The following ELMOD3 variants were observed in gnomAD, a reference collection of about 807,000 sequenced individuals.
ELMOD3 encodes the protein ELMO domain containing 3.
ELMOD3 carries 36 observed loss-of-function variants against 47.4 expected under a neutral mutation model. The observed-to-expected ratio is 0.76, with a 90% CI of 0.58 to 1.00. The LOEUF (loss-of-function observed/expected upper bound fraction) is 1.00. ELMOD3 is among the 50% of genes least tolerant of loss of function. The pLI, the probability that ELMOD3 is intolerant of heterozygous loss-of-function variation, is 0.00. For synonymous variants in ELMOD3, 149 were observed against 183.5 expected (o/e 0.81, Z 1.52); for missense variants, 404 against 463.8 (o/e 0.87, Z 1.18).
intron 6 of ELMOD3, 56 bp from the exon 7 acceptor site, chr2:85,368,630 T>C: frequency 2.5e-6 from 4 of 1,581,100 alleles, no homozygotes; most frequent in Non-Finnish European, 3.5e-6. Flanking sequence ...GGGTCTGCAG[T>C]AGAGGCCCAG....
chr2:85,375,189 T>C (rs1359131778), intron 10 of ELMOD3, among the ~76,000 whole-genome samples: 2 of 152,254 alleles, frequency 1.3e-5, no homozygotes, highest in African/African-American at 4.8e-5. Flanking sequence ...TAGCTCAGTG[T>C]CTTGAGTCTG....
At chr2:85,369,592 GA>G in intron 7 of ELMOD3, 146 bp from the exon 8 acceptor site, 1 of 820,582 alleles carries the variant, frequency 1.2e-6, no homozygotes. Flanking sequence ...CCAGCCTCTT[GA>G]AAGAAGATTG....
intron 7 of ELMOD3, among the ~76,000 whole-genome samples, 167 bp from the exon 8 acceptor site, chr2:85,369,572 G>A (rs1257429697): frequency 1.3e-5 from 2 of 152,156 alleles, no homozygotes; most frequent in African/African-American, 2.4e-5. Context: ...AGTCCTCTTC[G>A]CCGACAATGC....
chr2:85,366,177 G>T (rs536503210), intron 6 of ELMOD3, among the ~76,000 whole-genome samples: 8 of 148,732 alleles, frequency 5.4e-5, no homozygotes, highest in Non-Finnish European at 1.2e-4. Context: ...CACCATGTTG[G>T]CCAGGCTGGT....
intron 6 of ELMOD3, among the ~76,000 whole-genome samples, chr2:85,365,095 G>A (rs1684280917): frequency 6.7e-6 from 1 of 148,980 alleles, no homozygotes; most frequent in Non-Finnish European, 1.5e-5. Context: ...AGGCATGGTG[G>A]CATGTGCCTA....
At chr2:85,369,932 C>T in intron 8 of ELMOD3, 102 bp downstream of exon 8, 1 of 1,427,414 alleles carries the variant, frequency 7.0e-7, no homozygotes, top group South Asian at 1.3e-5. Context: ...CAAATCTCCC[C>T]TAAGATCTTG....
intron 10 of ELMOD3, 50 bp from the exon 11 acceptor site, chr2:85,377,294 T>C: frequency 6.6e-7 from 1 of 1,518,658 alleles, no homozygotes; most frequent in Non-Finnish European, 8.8e-7. Flanking sequence ...GGCAAGCCCT[T>C]GAAGCATTGC....
intron 11 of ELMOD3, among the ~76,000 whole-genome samples, chr2:85,379,317 C>G (rs556878533): frequency 6.6e-6 from 1 of 152,306 alleles, no homozygotes; most frequent in South Asian, 2.1e-4. Flanking sequence ...AGTGATTCTC[C>G]TGCCTCAGCC....
In ELMOD3 at chr2:85,363,279, T is replaced by C. The variant is rs539757873; in HGVS notation, c.199+113T>C. 41 of 669,608 alleles carry C rather than the reference T, an allele frequency of 6.1e-5. No individual in the cohort carries two copies. In the East Asian group the frequency reaches 1.0e-3, roughly 17 times the overall value. 41.5% of individuals were successfully genotyped at this position (669,608 alleles called of 1,614,324 possible). The stretch of plus-strand genomic sequence containing the variant: ...TCACTCCTTGTCTTTCAGAATTTTG[T>C]AGATGTATCAGTCCTTGGGGAAAAA... On this transcript the variant is annotated intron_variant, in intron 6 of 13. Coordinates refer to ENST00000409013, the MANE Select transcript of ELMOD3 (RefSeq NM_001135022.2).
intron 11 of ELMOD3, among the ~76,000 whole-genome samples, chr2:85,383,164 T>C (rs1040711654): frequency 2.0e-5 from 3 of 151,526 alleles, no homozygotes; most frequent in Admixed American, 6.6e-5. Flanking sequence ...AGTTTCACTC[T>C]GTCACCCAGG....
At chr2:85,382,893 T>C (rs1685670680) in intron 11 of ELMOD3, among the ~76,000 whole-genome samples, 1 of 149,730 alleles carries the variant, frequency 6.7e-6, no homozygotes, top group African/African-American at 2.5e-5. Context: ...CAGTTACTTA[T>C]CTAGGGATGG....
Position 85,359,738 on chromosome 2 carries a change from C to T in ELMOD3, c.55-2448C>T, listed in dbSNP as rs566299595. Among the ~76,000 whole-genome samples the T allele has an allele frequency of 1.7e-3, 251 of 152,078 alleles. 1 individual carries two copies. The highest frequency in any genetic ancestry group is 2.3e-3 in the Non-Finnish European group (156 of 67,978). Reference sequence around the variant, plus strand: ...AGCCACGGTGCCTGGTGACGTTTTTCTGTTTTGCTTTTTTTTGTTTTGTTT... The same window carrying T: ...AGCCACGGTGCCTGGTGACGTTTTTTTGTTTTGCTTTTTTTTGTTTTGTTT... On this transcript the variant is annotated intron_variant, in intron 4 of 13. Transcript: ENST00000409013.
At chr2:85,369,044 A>G (rs564544668) in intron 7 of ELMOD3, among the ~76,000 whole-genome samples, 2 of 152,276 alleles carry the variant, frequency 1.3e-5, no homozygotes, top group African/African-American at 4.8e-5. Flanking sequence ...GGCAGCTTCT[A>G]CAGAGTGGCA....
intron 11 of ELMOD3, among the ~76,000 whole-genome samples, chr2:85,380,109 T>C (rs1685442548): frequency 1.3e-5 from 2 of 152,252 alleles, no homozygotes; most frequent in Non-Finnish European, 2.9e-5. Flanking sequence ...TTTCTCCAGT[T>C]GTGTCCTATT....
intron 13 of ELMOD3, 31 bp from the exon 14 acceptor site, chr2:85,390,729 G>T (rs1177003957): frequency 4.5e-6 from 7 of 1,548,422 alleles, no homozygotes; most frequent in Non-Finnish European, 6.1e-6. Context: ...GCCCCCTCAA[G>T]CCTTCTGCTC....
chr2:85,357,764 TAGTAATATG>T, intron 4 of ELMOD3, among the ~76,000 whole-genome samples: 1 of 152,148 alleles, frequency 6.6e-6, no homozygotes, highest in Admixed American at 6.5e-5. Context: ...TTCTTCACTG[TAGTAATATG>T]CGAACTGTTC....
At position 85,391,060 on chromosome 2, in the gene ELMOD3, G is replaced by A. The variant is rs1268007497; in HGVS notation, c.*98G>A. 1.6e-6 allele frequency: 2 copies of A among 1,214,498 alleles called. No individual in the cohort carries two copies. Among genetic ancestry groups the A allele is most frequent in the South Asian group, 3.0e-5 (2 of 66,848 alleles). The allele number at this position is 1,214,498 out of a possible 1,614,324, so 75.2% of individuals were successfully genotyped here. A position where few individuals can be genotyped will look rare whatever the true frequency, so the allele number is the denominator to read the frequency against. On this transcript the variant is annotated 3_prime_UTR_variant, in exon 14 of 14. Coordinates refer to ENST00000409013, the MANE Select transcript of ELMOD3 (RefSeq NM_001135022.2). ...GCCTGGCCAGGCCGCACCCCTTGCT[G>A]TCTCAGCAGATGGGATATAGGAAGC...
chr2:85,370,889 C>G (rs1045358432), intron 8 of ELMOD3, among the ~76,000 whole-genome samples, 197 bp from the exon 9 acceptor site: 2 of 152,220 alleles, frequency 1.3e-5, no homozygotes, highest in African/African-American at 4.8e-5. Flanking sequence ...TGCAAAAAAT[C>G]TGGGAGCTGG....
rs1553417058 is a variant in ELMOD3 at position 85,364,804 on chromosome 2, C to CATATATATTT, written c.199+1646_199+1647insTTATATATAT. On this transcript the variant is annotated intron_variant, in intron 6 of 13. Transcript: ENST00000409013. ...ACATTAATAATTTTTACTTTAAATA[C>CATATATATTT]ATATATATATATATATATATATTTT... Among the ~76,000 whole-genome samples, 44 of 78,070 alleles carry CATATATATTT rather than the reference C, an allele frequency of 5.6e-4. No individual in the cohort carries two copies. In the East Asian group the frequency reaches 0.012, roughly 22 times the overall value. 51.2% of individuals were successfully genotyped at this position (78,070 alleles called of 152,430 possible). A position where few individuals can be genotyped will look rare whatever the true frequency, so the allele number is the denominator to read the frequency against.
Sources: allele counts gnomAD v4.1 joint callset (sites outside exome capture counted in the v4.1 genomes callset), GRCh38; gene constraint gnomAD v4.1.1; transcripts MANE v1.5; gene names NCBI Gene and HGNC (gene_info 2026-07-23, HGNC 2026-07-21).